Variants in C1orf21 observed in about 807,000 individuals in gnomAD.
C1orf21 encodes uncharacterized protein C1orf21.
A neutral mutation model predicts 18.7 loss-of-function variants in C1orf21; 3 were observed. The observed-to-expected ratio is 0.16, with a 90% CI of 0.07 to 0.42. The LOEUF (loss-of-function observed/expected upper bound fraction) is 0.42. C1orf21 is among the 10% of genes least tolerant of loss of function. The probability of loss-of-function intolerance (pLI) is 0.99; values close to 1 mark genes in which losing one functional copy is unlikely to be tolerated. For missense variants in C1orf21, 104 were observed against 143.6 expected (o/e 0.72, Z 1.41); for synonymous variants, 41 against 46.4 (o/e 0.88, Z 0.47).
At chr1:184,527,788 T>A (rs1316348320) in intron 3 of C1orf21, among the ~76,000 whole-genome samples, 1 of 152,162 alleles carries the variant, frequency 6.6e-6, no homozygotes, top group Non-Finnish European at 1.5e-5. Context: ...GAAAGTGTAG[T>A]TTATAGTAAC....
chr1:184,583,687 T>G (rs1659313739), intron 3 of C1orf21, among the ~76,000 whole-genome samples: 1 of 152,202 alleles, frequency 6.6e-6, no homozygotes, highest in Non-Finnish European at 1.5e-5. Context: ...TTCCTGGGCT[T>G]CACTTCCACA....
chr1:184,509,318 T>G (rs1264255286), intron 3 of C1orf21, among the ~76,000 whole-genome samples: 2 of 152,202 alleles, frequency 1.3e-5, no homozygotes, highest in Admixed American at 6.5e-5. Flanking sequence ...AGCATTGTGG[T>G]CAGAATCAGA....
At chr1:184,531,491 A>G (rs1658461998) in intron 3 of C1orf21, among the ~76,000 whole-genome samples, 1 of 152,160 alleles carries the variant, frequency 6.6e-6, no homozygotes, top group African/African-American at 2.4e-5. Flanking sequence ...CTGTGTCTTA[A>G]TGGGAATATT....
chr1:184,483,963 G>A (rs1426254575), intron 2 of C1orf21, among the ~76,000 whole-genome samples: 2 of 151,800 alleles, frequency 1.3e-5, no homozygotes, highest in African/African-American at 2.4e-5. Context: ...TCACTCCATC[G>A]CCCAGGCTGG....
In C1orf21 at chr1:184,597,825, G is replaced by A. The variant is rs542731318; in HGVS notation, c.267-576G>A. 9.9e-5 allele frequency among the ~76,000 whole-genome samples: 15 copies of A among 152,256 alleles called. No homozygotes were observed. The South Asian group carries it at 1.2e-3, about 13-fold the overall frequency. On this transcript the variant is annotated intron_variant, in intron 4 of 5. Transcript: ENST00000235307. ...CAGAGCAAGTGCTGCTCAGACATGC[G>A]TCCTCCCACGTTCCAGTGGAATTGT...
At chr1:184,422,727 A>G (rs564559467) in intron 1 of C1orf21, among the ~76,000 whole-genome samples, 1 of 152,348 alleles carries the variant, frequency 6.6e-6, no homozygotes, top group African/African-American at 2.4e-5. Context: ...TTTGATTGAT[A>G]GGATTTTCTT....
At position 184,505,132 on chromosome 1, in the gene C1orf21, C is replaced by T. The variant is rs184353907; in HGVS notation, c.95-2456C>T. Among the ~76,000 whole-genome samples the T allele has an allele frequency of 1.1e-4, 17 of 151,616 alleles. 1 individual carries two copies. The highest frequency in any genetic ancestry group is 9.7e-4 in the East Asian group (5 of 5,152). On this transcript the variant is annotated intron_variant, in intron 2 of 5. Transcript: ENST00000235307. ...CTGCACTAGTCTGTGGCTTGGCAGACGGGAGAGGACAGTGGGCAAGTGCAA... is the reference window on the plus strand; with the variant it reads ...CTGCACTAGTCTGTGGCTTGGCAGATGGGAGAGGACAGTGGGCAAGTGCAA...
At chr1:184,402,606 G>C (rs963998420) in intron 1 of C1orf21, among the ~76,000 whole-genome samples, 1 of 138,940 alleles carries the variant, frequency 7.2e-6, no homozygotes, top group African/African-American at 3.1e-5. Context: ...GACAGAGCAA[G>C]ACCCTGTCTC....
At chr1:184,461,230 G>T (rs889196307) in intron 1 of C1orf21, among the ~76,000 whole-genome samples, 12 of 152,182 alleles carry the variant, frequency 7.9e-5, no homozygotes, top group African/African-American at 2.9e-4. Context: ...TCTGTCTTTG[G>T]TCTTCTTGAC....
At chr1:184,425,213 A>G (rs916724295) in intron 1 of C1orf21, among the ~76,000 whole-genome samples, 14 of 151,604 alleles carry the variant, frequency 9.2e-5, no homozygotes, top group Non-Finnish European at 1.8e-4. Flanking sequence ...ATTAACTGAG[A>G]TGGTGTATGT....
At chr1:184,572,646 A>AT (rs76491976) in intron 3 of C1orf21, among the ~76,000 whole-genome samples, 2 of 152,088 alleles carry the variant, frequency 1.3e-5, no homozygotes, top group Non-Finnish European at 1.5e-5. Context: ...TCCATGCAAG[A>AT]TTTTTTTTAA....
At chr1:184,473,197 G>T (rs1391201426) in intron 1 of C1orf21, among the ~76,000 whole-genome samples, 1 of 152,144 alleles carries the variant, frequency 6.6e-6, no homozygotes, top group Non-Finnish European at 1.5e-5. Context: ...ATCCTCAGTG[G>T]GACTTAGTTT....
chr1:184,435,633 G>A (rs1038583010), intron 1 of C1orf21, among the ~76,000 whole-genome samples: 1 of 152,188 alleles, frequency 6.6e-6, no homozygotes, highest in Non-Finnish European at 1.5e-5. Context: ...ATGAGCCACT[G>A]TGCCTGGCGT....
chr1:184,468,076 CA>C (rs1557979743), intron 1 of C1orf21, among the ~76,000 whole-genome samples: 2 of 152,088 alleles, frequency 1.3e-5, no homozygotes, highest in Non-Finnish European at 2.9e-5. Flanking sequence ...GAGAATGAGA[CA>C]AAGTCCTTCC....
intron 4 of C1orf21, among the ~76,000 whole-genome samples, chr1:184,594,512 A>G (rs1310411888): frequency 1.3e-5 from 2 of 152,234 alleles, no homozygotes; most frequent in Non-Finnish European, 2.9e-5. Flanking sequence ...CAGTTATGGA[A>G]AAGCAGCTGA....
chr1:184,409,279 T>C (rs1656296489), intron 1 of C1orf21, among the ~76,000 whole-genome samples: 1 of 152,188 alleles, frequency 6.6e-6, no homozygotes, highest in Admixed American at 6.5e-5. Context: ...GTCCTTCTTA[T>C]GTTGGCATTG....
At chr1:184,484,710 G>A (rs1488449898) in intron 2 of C1orf21, among the ~76,000 whole-genome samples, 2 of 152,162 alleles carry the variant, frequency 1.3e-5, no homozygotes, top group Non-Finnish European at 2.9e-5. Flanking sequence ...TAAATGGAGG[G>A]GCTTAGATTA....
intron 1 of C1orf21, among the ~76,000 whole-genome samples, chr1:184,449,519 T>C (rs557022796): frequency 2.6e-4 from 40 of 152,302 alleles, no homozygotes; most frequent in African/African-American, 9.1e-4. Flanking sequence ...TATATGTGCA[T>C]GTGTCTTTAT....
chr1:184,502,331 T>A (rs1657988334), intron 2 of C1orf21, among the ~76,000 whole-genome samples: 2 of 152,222 alleles, frequency 1.3e-5, no homozygotes, highest in Non-Finnish European at 1.5e-5. Flanking sequence ...GGGGCTGTAA[T>A]CCCATTCATG....
Sources: allele counts gnomAD v4.1 joint callset (sites outside exome capture counted in the v4.1 genomes callset), GRCh38; gene constraint gnomAD v4.1.1; transcripts MANE v1.5; gene names NCBI Gene and HGNC (gene_info 2026-07-23, HGNC 2026-07-21).